Variants in FAAH2 observed in about 807,000 individuals in gnomAD.
FAAH2 encodes the protein fatty acid amide hydrolase 2.
FAAH2 carries 60 observed loss-of-function variants against 36.9 expected under a neutral mutation model. The ratio of observed to expected loss-of-function variants is 1.63; its 90% CI spans 1.32 to 2.02. FAAH2 has a LOEUF of 2.02. Ranked by LOEUF, FAAH2 falls within the 30% of genes most tolerant of loss-of-function variation. The pLI is 0.00. For synonymous variants in FAAH2, 214 were observed against 143.8 expected, an observed-to-expected ratio of 1.49 and a Z score of -3.49; for missense variants, 689 against 397.5, an observed-to-expected ratio of 1.73 and a Z score of -6.23.
intron 7 of FAAH2, among the ~76,000 whole-genome samples, chrX:57,384,384 G>T (rs1206249257): frequency 9.7e-6 from 1 of 103,488 alleles, no homozygotes; most frequent in Non-Finnish European, 2.0e-5. Context: ...AGAGTGAACA[G>T]GCAACCTACA....
At chrX:57,467,850 G>C (rs1323581620) in intron 10 of FAAH2, among the ~76,000 whole-genome samples, 1 of 111,912 alleles carries the variant, frequency 8.9e-6, no homozygotes, top group Non-Finnish European at 1.9e-5. Context: ...ACACCCCCCA[G>C]TAGGGGCAGA....
At chrX:57,316,800 C>T (rs1214398174) in intron 3 of FAAH2, among the ~76,000 whole-genome samples, 1 of 110,708 alleles carries the variant, frequency 9.0e-6, no homozygotes, top group Non-Finnish European at 1.9e-5. Context: ...ATACCCTTCT[C>T]TATATTGACC....
chrX:57,339,069 T>C (rs920131661), intron 4 of FAAH2, among the ~76,000 whole-genome samples: 5 of 111,111 alleles, frequency 4.5e-5, no homozygotes, highest in African/African-American at 1.6e-4. Flanking sequence ...AACAAACACA[T>C]AGACCAATGG....
At chrX:57,219,875 T>TA in the FAAH2 span, among the ~76,000 whole-genome samples, 8 of 101,164 alleles carry the variant, frequency 7.9e-5, no homozygotes, top group African/African-American at 3.0e-4. Context: ...TTTTTTTTTT[T>TA]TTTTTTTTTT....
chrX:57,427,573 T>C (rs769743899), intron 7 of FAAH2, among the ~76,000 whole-genome samples: 1 of 111,757 alleles, frequency 8.9e-6, no homozygotes, highest in East Asian at 2.8e-4. Context: ...AAGTTGGTTT[T>C]AACCCAGAGA....
At chrX:57,437,585 A>G (rs1214854827) in intron 8 of FAAH2, among the ~76,000 whole-genome samples, 2 of 108,569 alleles carry the variant, frequency 1.8e-5, no homozygotes, top group African/African-American at 6.6e-5. Flanking sequence ...TTACACCAAT[A>G]AAAGTGTAGC....
chrX:57,446,137 C>T (rs1216771786), intron 8 of FAAH2, among the ~76,000 whole-genome samples: 2 of 112,365 alleles, frequency 1.8e-5, no homozygotes, highest in African/African-American at 6.5e-5. Context: ...ATTCACTTTA[C>T]TCACCATCCT....
At chrX:57,478,321 C>A (rs1281081161) in intron 10 of FAAH2, among the ~76,000 whole-genome samples, 1 of 111,233 alleles carries the variant, frequency 9.0e-6, no homozygotes, top group Non-Finnish European at 1.9e-5. Flanking sequence ...CCTTTGCCCA[C>A]TTTTTGATGG....
intron 7 of FAAH2, chrX:57,381,557 G>A (rs774846526): frequency 2.8e-5 from 19 of 690,232 alleles, no homozygotes; most frequent in Non-Finnish European, 3.1e-5. Flanking sequence ...AGCTTATTAC[G>A]TGGAAGCAAT....
chrX:57,402,584 C>T (rs2055464939), intron 7 of FAAH2, among the ~76,000 whole-genome samples: 1 of 111,964 alleles, frequency 8.9e-6, no homozygotes, highest in South Asian at 3.7e-4. Context: ...TAAACTTATC[C>T]TTTAAGATTA....
chrX:57,467,537 A>T (rs1051817383), intron 10 of FAAH2, among the ~76,000 whole-genome samples: 11 of 111,817 alleles, frequency 9.8e-5, no homozygotes, highest in African/African-American at 3.6e-4. Context: ...CTGCAAGGTG[A>T]CAGCGAGGCT....
intron 10 of FAAH2, among the ~76,000 whole-genome samples, chrX:57,464,518 CAAAAA>C (rs5902566): frequency 1.6e-5 from 1 of 60,983 alleles, no homozygotes; most frequent in East Asian, 5.4e-4. Context: ...ATAGCAATTG[CAAAAA>C]AAAAAAAAAA....
chrX:57,270,259 T>C, the FAAH2 span, among the ~76,000 whole-genome samples: 19 of 111,533 alleles, frequency 1.7e-4, no homozygotes, highest in Admixed American at 3.8e-4. Context: ...CAAGACCAGA[T>C]GGATTCATGG....
chrX:57,455,501 G>T (rs2056850567), intron 10 of FAAH2, among the ~76,000 whole-genome samples: 1 of 110,813 alleles, frequency 9.0e-6, no homozygotes, highest in Non-Finnish European at 1.9e-5. Flanking sequence ...TGCATAGAGT[G>T]GCAAGCTAGA....
Position 57,381,011 on chromosome X carries a change from C to G in FAAH2, c.978C>G (p.Leu326=). The change falls in exon 7 of 11, where the codon CTC becomes CTG. Residue 326 remains leucine, a synonymous_variant. Coordinates refer to ENST00000374900, the MANE Select transcript of FAAH2 (RefSeq NM_174912.4). ...SFLMSKVDQD[L]IMTQKKVVVH... ...TAATGTCCAAAGTGGACCAAGATCT[C>G]ATTATGACTCAGAAAAAGGTAATTT... 8.6e-7 allele frequency: 1 copy of G among 1,167,363 alleles called. No individual in the cohort carries two copies. The highest frequency in any genetic ancestry group is 1.2e-6 in the Non-Finnish European group (1 of 866,424).
chrX:57,455,149 A>C (rs1297573830), intron 10 of FAAH2, among the ~76,000 whole-genome samples: 1 of 111,978 alleles, frequency 8.9e-6, no homozygotes, highest in Non-Finnish European at 1.9e-5. Flanking sequence ...GCCTATTTTC[A>C]ATATTGTTAC....
rs755609992 is a variant in FAAH2 at position 57,483,778 on chromosome X, CTTTTTTTTTTTTTTTTTT to C, written c.1424-4964_1424-4947del. On this transcript the variant is annotated intron_variant, in intron 10 of 10. Transcript: ENST00000374900. Reference sequence around the variant, plus strand: ...CCTATTTCCTGTGCACTGGGGGCAACTTTTTTTTTTTTTTTTTTTTTTTTTTTTTTTTGAGACGGAGTT... The same window carrying C: ...CCTATTTCCTGTGCACTGGGGGCAACTTTTTTTTTTTTTTGAGACGGAGTT... Among the ~76,000 whole-genome samples, 8 of 38,874 alleles carry C rather than the reference CTTTTTTTTTTTTTTTTTT, an allele frequency of 2.1e-4. 1 individual carries two copies. The highest frequency in any genetic ancestry group is 2.0e-3 in the South Asian group (1 of 492). The allele number at this position is 38,874 out of a possible 115,157, so 33.8% of individuals were successfully genotyped here. A position where few individuals can be genotyped will look rare whatever the true frequency, so the allele number is the denominator to read the frequency against.
At chrX:57,270,440 T>C in the FAAH2 span, among the ~76,000 whole-genome samples, 12 of 112,283 alleles carry the variant, frequency 1.1e-4, no homozygotes, top group Non-Finnish European at 2.3e-4. Context: ...GCCAATATCC[T>C]TGATGAACAC....
chrX:57,437,096 T>C (rs749190842), intron 8 of FAAH2, among the ~76,000 whole-genome samples: 2 of 111,651 alleles, frequency 1.8e-5, no homozygotes, highest in Non-Finnish European at 3.8e-5. Context: ...TCAATAAAAG[T>C]GATATATTAC....
Sources: allele counts gnomAD v4.1 joint callset (sites outside exome capture counted in the v4.1 genomes callset), GRCh38; gene constraint gnomAD v4.1.1; transcripts MANE v1.5; gene names NCBI Gene and HGNC (gene_info 2026-07-23, HGNC 2026-07-21).